Variants in FREM1 observed in about 807,000 individuals in gnomAD.
FREM1 encodes the protein FRAS1-related extracellular matrix protein 1.
FREM1 carries 220 observed loss-of-function variants against 210.1 expected under a neutral mutation model. That is an observed-to-expected ratio of 1.05 (90% CI 0.94 to 1.17). The LOEUF (loss-of-function observed/expected upper bound fraction) is 1.17, where lower values mean the gene tolerates loss of function less well. FREM1 is among the 50% of genes most tolerant of loss of function. The pLI is 0.00. For synonymous variants in FREM1, 1,189 were observed against 980.2 expected (o/e 1.21, Z -3.98); for missense variants, 3,454 against 2,675.5 (o/e 1.29, Z -6.42).
chr9:14,771,195 A>T (rs1352309898), intron 25 of FREM1, among the ~76,000 whole-genome samples: 1 of 152,192 alleles, frequency 6.6e-6, no homozygotes, highest in African/African-American at 2.4e-5. Flanking sequence ...TGACCCAAGA[A>T]TTCTAGAGCA....
chr9:14,828,890 G>A (rs10961736), intron 10 of FREM1, among the ~76,000 whole-genome samples: 29,214 of 152,062 alleles, frequency 0.19, 2,970 homozygotes, highest in Middle Eastern at 0.26. Flanking sequence ...GGAATTTGAC[G>A]GTACAGTTAT....
chr9:14,856,336 C>T (rs1011867960), intron 5 of FREM1, among the ~76,000 whole-genome samples: 2 of 152,166 alleles, frequency 1.3e-5, no homozygotes, highest in Non-Finnish European at 2.9e-5. Flanking sequence ...CCTTGAAAAG[C>T]TACCCAAGTG....
chr9:14,898,296 T>A (rs1314070631), intron 1 of FREM1, among the ~76,000 whole-genome samples: 1 of 152,226 alleles, frequency 6.6e-6, no homozygotes, highest in Non-Finnish European at 1.5e-5. Flanking sequence ...TAAATCAAAG[T>A]TGCCAGCACA....
At chr9:14,831,845 G>T (rs889232094) in intron 10 of FREM1, among the ~76,000 whole-genome samples, 3 of 152,184 alleles carry the variant, frequency 2.0e-5, no homozygotes, top group African/African-American at 7.2e-5. Context: ...TTCCTCTGGC[G>T]CCATGGCTCG....
intron 6 of FREM1, among the ~76,000 whole-genome samples, chr9:14,849,519 A>G (rs1307761909): frequency 6.6e-6 from 1 of 152,202 alleles, no homozygotes; most frequent in Non-Finnish European, 1.5e-5. Flanking sequence ...TGCAAGGCAT[A>G]CTCCCTACTT....
At chr9:14,825,032 A>C in intron 10 of FREM1, 40 bp from the exon 11 acceptor site, 1 of 1,407,080 alleles carries the variant, frequency 7.1e-7, no homozygotes, top group Non-Finnish European at 9.7e-7. Context: ...TGAAATACCA[A>C]AAAAACAACA....
rs1472508724 is a variant in FREM1 at position 14,789,024 on chromosome 9, C to T, written c.4072G>A (p.Ala1358Thr). ...LNLLRYTHTG[A>T]MDSQNQDSFT... Reference sequence around the variant, plus strand: ...CTATCTTGATTCTGGGAATCCATTGCCCCGGTGTGTGTGTATCTCAGCAAG... The same window carrying T: ...CTATCTTGATTCTGGGAATCCATTGTCCCGGTGTGTGTGTATCTCAGCAAG... The change falls in exon 23 of 37, where the codon GCA (alanine) becomes ACA (threonine). Residue 1358 changes from alanine (A) to threonine (T), a missense_variant. Physicochemically the swap from Ala to Thr is moderately conservative, Grantham distance 58 (BLOSUM62 0). Transcript: ENST00000380880. 11 of 1,611,564 alleles carry T rather than the reference C, an allele frequency of 6.8e-6. No homozygotes were observed. The highest frequency in any genetic ancestry group is 8.5e-6 in the Non-Finnish European group (10 of 1,178,914).
chr9:14,857,538 A>C lies in FREM1; in HGVS notation c.828+15T>G, dbSNP rs756748282. The C allele has an allele frequency of 2.5e-5, 40 of 1,606,536 alleles. No individual in the cohort carries two copies. Among genetic ancestry groups the C allele is most frequent in the Non-Finnish European group, 3.0e-5 (35 of 1,174,504 alleles). On this transcript the variant is annotated intron_variant, in intron 5 of 36. Transcript: ENST00000380880. Reference sequence around the variant, plus strand: ...GTGAATCCTGGGGGCACCCACACATAACCCCAAACTCTACCTTGTACACAA... The same window carrying C: ...GTGAATCCTGGGGGCACCCACACATCACCCCAAACTCTACCTTGTACACAA...
At chr9:14,898,449 C>A (rs767210329) in intron 1 of FREM1, among the ~76,000 whole-genome samples, 3 of 152,098 alleles carry the variant, frequency 2.0e-5, no homozygotes, top group Admixed American at 6.6e-5. Flanking sequence ...TTGTCAGAAC[C>A]CATAGAATGC....
chr9:14,909,339 G>C (rs1818333325), intron 1 of FREM1, among the ~76,000 whole-genome samples: 1 of 146,200 alleles, frequency 6.8e-6, no homozygotes, highest in Admixed American at 6.8e-5. Context: ...TCAGTACTGA[G>C]CAGAGAGAGC....
At chr9:14,899,143 G>C (rs1838310858) in intron 1 of FREM1, among the ~76,000 whole-genome samples, 1 of 152,156 alleles carries the variant, frequency 6.6e-6, no homozygotes, top group Non-Finnish European at 1.5e-5. Flanking sequence ...TGTTCATCAT[G>C]CTTCCGGGCT....
chr9:14,905,481 G>A (rs1430318950), intron 1 of FREM1, among the ~76,000 whole-genome samples: 18 of 152,170 alleles, frequency 1.2e-4, no homozygotes, highest in Non-Finnish European at 2.6e-4. Flanking sequence ...CCTATATGAG[G>A]AGAATCAGTA....
chr9:14,837,875 G>A (rs1450505422), intron 10 of FREM1, among the ~76,000 whole-genome samples: 1 of 152,214 alleles, frequency 6.6e-6, no homozygotes, highest in African/African-American at 2.4e-5. Context: ...AAAGGATAGA[G>A]ACAGGGAATT....
chr9:14,889,205 A>G (rs1836345849), intron 1 of FREM1, among the ~76,000 whole-genome samples: 1 of 152,126 alleles, frequency 6.6e-6, no homozygotes, highest in Non-Finnish European at 1.5e-5. Flanking sequence ...TGGAATTGTA[A>G]AGCTGAAGGG....
At position 14,819,248 on chromosome 9, in the gene FREM1, A is replaced by G; in HGVS notation, c.2532T>C (p.His844=). 2 of 1,612,198 alleles carry G rather than the reference A, an allele frequency of 1.2e-6. No individual in the cohort carries two copies. Among genetic ancestry groups the G allele is most frequent in the South Asian group, 1.1e-5 (1 of 90,882 alleles). The change falls in exon 14 of 37, where the codon CAT becomes CAC. Residue 844 remains histidine (H), a synonymous_variant. Transcript: ENST00000380880. The part of the protein sequence containing the change: ...SGGTFSWGDL[H]TLKVRYQHDG... Reference sequence around the variant, plus strand: ...AATGTTCTAACCTAACTTTTAAGGTATGGAGATCGCCCCAAGAAAATGTGC... The same window carrying G: ...AATGTTCTAACCTAACTTTTAAGGTGTGGAGATCGCCCCAAGAAAATGTGC...
chr9:14,830,012 G>A (rs2779507), intron 10 of FREM1, among the ~76,000 whole-genome samples: 20,244 of 152,130 alleles, frequency 0.13, 1,872 homozygotes, highest in East Asian at 0.42. Flanking sequence ...AACATGCCCA[G>A]AGGAGAGAAC....
At position 14,857,730 on chromosome 9, in the gene FREM1, C is replaced by T; in HGVS notation, c.651G>A (p.Lys217=). 6.2e-7 allele frequency: 1 copy of T among 1,605,360 alleles called. No homozygotes were observed. Among genetic ancestry groups the T allele is most frequent in the Non-Finnish European group, 8.5e-7 (1 of 1,175,738 alleles). The part of the protein sequence containing the change: ...FPESQLRAKL[K]CPGGSCTPGL... Reference sequence around the variant, plus strand: ...CTGGGGTACAGCTCCCACCTGGACACTTCAGTTTTGCTCTCAGTTCTAGAA... The same window carrying T: ...CTGGGGTACAGCTCCCACCTGGACATTTCAGTTTTGCTCTCAGTTCTAGAA... The change falls in exon 5 of 37, where the codon AAG becomes AAA. Residue 217 remains lysine, a synonymous_variant. Coordinates refer to ENST00000380880, the MANE Select transcript of FREM1 (RefSeq NM_001379081.2).
In FREM1 at chr9:14,776,012, A is replaced by G. The variant is rs772431622; in HGVS notation, c.4634T>C (p.Leu1545Pro). 1.9e-6 allele frequency: 3 copies of G among 1,613,978 alleles called. No homozygotes were observed. The Admixed American group carries it at 5.0e-5, about 27-fold the overall frequency. The change falls in exon 25 of 37, where the codon CTC becomes CCC. Residue 1545 changes from leucine (L) to proline (P), a missense_variant. Transcript: ENST00000380880. ...GCCATGCTGGGGGAGCTGAACCAAG[A>G]GGAAGGTGAGGTTCTCCGCAGGTGT... is the stretch of plus-strand genomic sequence containing the variant. ...PDTPAENLTFLLVQLPQHGQL... is the reference protein window; with the variant it reads ...PDTPAENLTFPLVQLPQHGQL...
intron 10 of FREM1, among the ~76,000 whole-genome samples, chr9:14,825,756 ACATATAACACATCAC>A (rs1822331998): frequency 1.3e-5 from 2 of 151,656 alleles, no homozygotes; most frequent in African/African-American, 4.8e-5. Flanking sequence ...TTCTCCACCC[ACATATAACACATCAC>A]CAAGTCCCAG....
Sources: gnomAD v4.1 joint callset for allele counts (sites outside exome capture counted in the v4.1 genomes callset) on GRCh38, gnomAD v4.1.1 for gene constraint, MANE v1.5 for transcripts, NCBI Gene and HGNC (gene_info 2026-07-23, HGNC 2026-07-21) for gene names.